Variants in NFIA observed in about 807,000 individuals in gnomAD.
NFIA encodes nuclear factor I A.
Under a neutral mutation model 62.8 loss-of-function variants are expected in NFIA, and 8 were observed. The observed-to-expected ratio is 0.13, with a 90% CI of 0.07 to 0.23. NFIA has a LOEUF of 0.23. Among genes scored for constraint, NFIA ranks in the 10% least tolerant of loss-of-function variants. NFIA has a pLI of 1.00. For synonymous variants in NFIA, 235 were observed against 238.1 expected (o/e 0.99, Z 0.12); for missense variants, 410 against 642.1 (o/e 0.64, Z 3.91).
intron 2 of NFIA, among the ~76,000 whole-genome samples, chr1:61,207,067 C>T (rs1049953877): frequency 2.0e-5 from 3 of 152,098 alleles, no homozygotes; most frequent in Non-Finnish European, 4.4e-5. Flanking sequence ...CAACAGTGGA[C>T]TTGTGGAGGA....
chr1:61,140,892 CAG>C (rs1647456313), intron 2 of NFIA, among the ~76,000 whole-genome samples: 1 of 150,864 alleles, frequency 6.6e-6, no homozygotes, highest in Admixed American at 6.6e-5. Context: ...ACAAGATTAA[CAG>C]GGGCCAGCAG....
At chr1:61,201,946 C>CT (rs113420214) in intron 2 of NFIA, among the ~76,000 whole-genome samples, 5,081 of 151,442 alleles carry the variant, frequency 0.034, 154 homozygotes, top group African/African-American at 0.072. Context: ...GTAAGAAAAT[C>CT]TTAAAAAAAA....
At chr1:61,372,298 G>A (rs1663927981) in intron 6 of NFIA, among the ~76,000 whole-genome samples, 1 of 152,090 alleles carries the variant, frequency 6.6e-6, no homozygotes, top group African/African-American at 2.4e-5. Context: ...ACTCTGCCAA[G>A]CATTTACCCT....
intron 4 of NFIA, among the ~76,000 whole-genome samples, chr1:61,339,026 T>C (rs903176666): frequency 2.0e-5 from 3 of 152,204 alleles, no homozygotes; most frequent in Non-Finnish European, 4.4e-5. Flanking sequence ...AGCCCTAGCA[T>C]GAACAGTTGC....
intron 3 of NFIA, among the ~76,000 whole-genome samples, chr1:61,318,675 C>T (rs953598764): frequency 4.6e-5 from 7 of 152,184 alleles, no homozygotes; most frequent in African/African-American, 1.7e-4. Flanking sequence ...TCTGAAAAAA[C>T]AATCTGTCCT....
chr1:61,146,544 C>G (rs972932141), intron 2 of NFIA, among the ~76,000 whole-genome samples: 1 of 152,156 alleles, frequency 6.6e-6, no homozygotes, highest in Non-Finnish European at 1.5e-5. Flanking sequence ...AATAATTGCT[C>G]TCTGTTCCAC....
chr1:61,260,922 A>G (rs1656735910), intron 2 of NFIA, among the ~76,000 whole-genome samples: 3 of 152,112 alleles, frequency 2.0e-5, no homozygotes, highest in South Asian at 2.1e-4. Flanking sequence ...TTGCTGAATG[A>G]TTTGTAATAT....
chr1:61,139,503 G>T (rs1365853987), intron 2 of NFIA, among the ~76,000 whole-genome samples: 1 of 152,164 alleles, frequency 6.6e-6, no homozygotes, highest in East Asian at 1.9e-4. Context: ...CTATTTTGCG[G>T]ATCAGAAAGT....
At chr1:61,423,849 T>C (rs1221259857) in intron 9 of NFIA, among the ~76,000 whole-genome samples, 1 of 152,156 alleles carries the variant, frequency 6.6e-6, no homozygotes, top group East Asian at 1.9e-4. Flanking sequence ...AGAATTTCTT[T>C]CTTCCTTCCT....
intron 2 of NFIA, among the ~76,000 whole-genome samples, chr1:61,264,116 A>G (rs1656954254): frequency 6.6e-6 from 1 of 152,202 alleles, no homozygotes; most frequent in African/African-American, 2.4e-5. Flanking sequence ...CAAATGTTTG[A>G]GGCCCTGACA....
At chr1:61,438,833 C>A (rs909343128) in intron 10 of NFIA, among the ~76,000 whole-genome samples, 3 of 152,078 alleles carry the variant, frequency 2.0e-5, no homozygotes, top group South Asian at 2.1e-4. Flanking sequence ...ACACAGCTGA[C>A]ATGATTAGTT....
chr1:61,258,557 T>G (rs1356130042), intron 2 of NFIA, among the ~76,000 whole-genome samples: 1 of 152,190 alleles, frequency 6.6e-6, no homozygotes, highest in Admixed American at 6.5e-5. Context: ...TGAAGTGTTC[T>G]TTGCTGTCTG....
intron 10 of NFIA, among the ~76,000 whole-genome samples, chr1:61,451,446 ACTT>A (rs1320069808): frequency 1.3e-5 from 2 of 152,168 alleles, no homozygotes; most frequent in Non-Finnish European, 2.9e-5. Context: ...TGATGAGATT[ACTT>A]CTTCATTTGA....
At chr1:61,327,403 A>G (rs973527834) in intron 3 of NFIA, among the ~76,000 whole-genome samples, 1 of 150,840 alleles carries the variant, frequency 6.6e-6, no homozygotes, top group Non-Finnish European at 1.5e-5. Context: ...TTAATCCGTC[A>G]CTCCCTACAC....
intron 4 of NFIA, among the ~76,000 whole-genome samples, chr1:61,334,080 G>T (rs1308613737): frequency 3.3e-5 from 5 of 152,192 alleles, no homozygotes; most frequent in Non-Finnish European, 7.3e-5. Flanking sequence ...CGTACTCTTA[G>T]ACTGGCCCAA....
chr1:61,247,952 T>C (rs1408525154), intron 2 of NFIA, among the ~76,000 whole-genome samples: 1 of 152,218 alleles, frequency 6.6e-6, no homozygotes, highest in South Asian at 2.1e-4. Context: ...GAGAATGTTA[T>C]CTTTCATTGT....
At chr1:61,294,148 A>G (rs898249516) in intron 3 of NFIA, among the ~76,000 whole-genome samples, 17 of 152,230 alleles carry the variant, frequency 1.1e-4, no homozygotes, top group African/African-American at 3.9e-4. Flanking sequence ...CAGTACATGC[A>G]TCTTTGTTAC....
At chr1:61,253,092 C>CT (rs143312112) in intron 2 of NFIA, among the ~76,000 whole-genome samples, 4 of 152,328 alleles carry the variant, frequency 2.6e-5, no homozygotes, top group African/African-American at 7.2e-5. Flanking sequence ...TCCAAATGCT[C>CT]TGAGTATAGG....
chr1:61,223,361 A>T (rs1004205819), intron 2 of NFIA, among the ~76,000 whole-genome samples: 26 of 152,092 alleles, frequency 1.7e-4, no homozygotes, highest in Middle Eastern at 6.8e-3. Flanking sequence ...TCATTTTTTT[A>T]AAAAAAGTAG....
Sources: gnomAD v4.1 joint callset for allele counts (sites outside exome capture counted in the v4.1 genomes callset) on GRCh38, gnomAD v4.1.1 for gene constraint, MANE v1.5 for transcripts, NCBI Gene and HGNC (gene_info 2026-07-23, HGNC 2026-07-21) for gene names.